The following FARP1 variants were observed in gnomAD, a reference collection of about 807,000 sequenced individuals.
FARP1 encodes FERM, ARH/RhoGEF and pleckstrin domain protein 1, also known as FERM, ARHGEF and pleckstrin domain-containing protein 1.
Under a neutral mutation model 128.8 loss-of-function variants are expected in FARP1, and 52 were observed. The ratio of observed to expected loss-of-function variants is 0.40; its 90% confidence interval spans 0.32 to 0.51. The LOEUF (loss-of-function observed/expected upper bound fraction) is 0.51. FARP1 is among the 20% of genes least tolerant of loss of function. The probability of loss-of-function intolerance (pLI) is 0.45; values close to 1 mark genes in which losing one functional copy is unlikely to be tolerated. For synonymous variants in FARP1, 580 were observed against 551.8 expected (o/e 1.05, Z -0.72); for missense variants, 1,333 against 1,367.9 (o/e 0.97, Z 0.40).
At chr13:98,211,284 C>T (rs952801895) in intron 1 of FARP1, among the ~76,000 whole-genome samples, 18 of 152,212 alleles carry the variant, frequency 1.2e-4, no homozygotes, top group Non-Finnish European at 1.8e-4. Context: ...ACCTGAGCTC[C>T]GCCTCCTGTC....
chr13:98,196,811 T>C (rs1322958702), intron 1 of FARP1, among the ~76,000 whole-genome samples: 4 of 152,348 alleles, frequency 2.6e-5, no homozygotes, highest in Admixed American at 2.0e-4. Flanking sequence ...TTAAATGCCT[T>C]ATCAACCAGG....
intron 2 of FARP1, among the ~76,000 whole-genome samples, chr13:98,266,276 C>T (rs1261175058): frequency 9.2e-5 from 14 of 152,148 alleles, no homozygotes; most frequent in African/African-American, 3.4e-4. Context: ...TCTGAAAAGC[C>T]GCGAGACAGA....
intron 2 of FARP1, among the ~76,000 whole-genome samples, chr13:98,305,843 C>A (rs1886128243): frequency 6.8e-6 from 1 of 147,426 alleles, no homozygotes; most frequent in Non-Finnish European, 1.5e-5. Flanking sequence ...AATTTTACTT[C>A]TTGTATTATT....
At position 98,343,893 on chromosome 13, in the gene FARP1, A is replaced by G. The variant is rs1233407236; in HGVS notation, c.276+27A>G. On this transcript the variant is annotated intron_variant, in intron 3 of 26. Transcript: ENST00000319562. Reference sequence around the variant, plus strand: ...TAGGTGATGTCAACTTAATGTTACTATTTTACTGTCTGTTCATCTTGGTGG... The same window carrying G: ...TAGGTGATGTCAACTTAATGTTACTGTTTTACTGTCTGTTCATCTTGGTGG... 6 of 1,436,434 alleles carry G rather than the reference A, an allele frequency of 4.2e-6. No individual in the cohort carries two copies. The African/African-American group carries it at 7.2e-5, about 17-fold the overall frequency. 89.0% of individuals were successfully genotyped at this position (1,436,434 alleles called of 1,614,324 possible).
Position 98,409,491 on chromosome 13 carries a change from C to G in FARP1, c.1568C>G (p.Pro523Arg). The G allele has an allele frequency of 1.9e-6, 3 of 1,613,330 alleles. No homozygotes were observed. Among genetic ancestry groups the G allele is most frequent in the Non-Finnish European group, 2.5e-6 (3 of 1,179,652 alleles). The stretch of plus-strand genomic sequence containing the variant: ...CCGCTGCTGAATGACCAGGCCTGCC[C>G]CCGGACGGACGATGAGGATGAGGGC... Reference protein sequence around the residue: ...ISPLLNDQACPRTDDEDEGRR... With the variant: ...ISPLLNDQACRRTDDEDEGRR... The change falls in exon 14 of 27, where the codon CCC becomes CGC. Residue 523 changes from proline to arginine, a missense_variant. Physicochemically the swap from Pro to Arg is moderately radical, Grantham distance 103. This residue lies in a region of FARP1 where 1,009 missense variants were observed against 969.8 expected (regional missense o/e 1.04). Transcript: ENST00000319562.
chr13:98,391,864 G>A (rs1040888520), intron 11 of FARP1, among the ~76,000 whole-genome samples: 10 of 152,166 alleles, frequency 6.6e-5, no homozygotes, highest in African/African-American at 1.7e-4. Flanking sequence ...GTAAAGGAGC[G>A]GAGGATAGGC....
In FARP1 at chr13:98,372,189, C is replaced by T. The variant is rs146352343; in HGVS notation, c.398+3994C>T. On this transcript the variant is annotated intron_variant, in intron 5 of 26. Coordinates refer to ENST00000319562, the MANE Select transcript of FARP1 (RefSeq NM_005766.4). ...GCAACCTCCGCCTCGTAGGTTCAAG[C>T]GATTCTTCTGCATCAGCCTCCCAAG... Among the ~76,000 whole-genome samples the T allele has an allele frequency of 2.1e-4, 31 of 147,362 alleles. 1 individual carries two copies. In the East Asian group the frequency reaches 5.2e-3, roughly 25 times the overall value.
intron 2 of FARP1, among the ~76,000 whole-genome samples, chr13:98,294,845 C>T (rs1195103499): frequency 2.6e-5 from 4 of 151,818 alleles, no homozygotes; most frequent in Admixed American, 6.6e-5. Context: ...GATGAAACCC[C>T]GTCTCTACTA....
In FARP1 at chr13:98,167,103, C is replaced by T. The variant is rs144029611; in HGVS notation, c.-24+23611C>T. Among the ~76,000 whole-genome samples the T allele has an allele frequency of 3.0e-4, 45 of 152,218 alleles. No homozygotes were observed. In the East Asian group the frequency reaches 8.3e-3, roughly 28 times the overall value. On this transcript the variant is annotated intron_variant, in intron 1 of 26. Coordinates refer to ENST00000319562, the MANE Select transcript of FARP1 (RefSeq NM_005766.4). The stretch of plus-strand genomic sequence containing the variant: ...AATACATTTTCAAACGTTGACAACT[C>T]GACAAGCCATTGGTATTTTCTTGAC...
At chr13:98,338,900 G>T (rs544652673) in intron 2 of FARP1, 1 of 152,304 alleles carries the variant, frequency 6.6e-6, no homozygotes, top group East Asian at 1.9e-4. Flanking sequence ...TTTTCTTAAT[G>T]AAATACAAGC....
At chr13:98,313,972 C>T (rs1429956184) in intron 2 of FARP1, among the ~76,000 whole-genome samples, 3 of 152,182 alleles carry the variant, frequency 2.0e-5, no homozygotes, top group Non-Finnish European at 4.4e-5. Flanking sequence ...CCCATCCTCA[C>T]GGCTCACTCA....
Position 98,176,419 on chromosome 13 carries a change from T to C in FARP1, c.-24+32927T>C. On this transcript the variant is annotated intron_variant, in intron 1 of 26. Transcript: ENST00000319562. The surrounding 1 kb of genome is among the most constrained non-coding windows in gnomAD (Gnocchi z 6.2). ...CAGCGCGCAGCTCTCGCAGAAATAA[T>C]GCCTGCACTTGGTGACGACTGGGTT... The C allele has an allele frequency of 6.2e-7, 1 of 1,614,214 alleles. No individual in the cohort carries two copies. The highest frequency in any genetic ancestry group is 1.7e-5 in the Admixed American group (1 of 60,028).
At chr13:98,267,712 C>T (rs542608584) in intron 2 of FARP1, among the ~76,000 whole-genome samples, 12 of 152,348 alleles carry the variant, frequency 7.9e-5, no homozygotes, top group Admixed American at 1.3e-4. Context: ...ACCCTGCAGG[C>T]GCAGCCGCGG....
At chr13:98,438,250 T>C (rs966633450) in intron 19 of FARP1, among the ~76,000 whole-genome samples, 1 of 152,118 alleles carries the variant, frequency 6.6e-6, no homozygotes, top group African/African-American at 2.4e-5. Context: ...TTACTGCTCA[T>C]TGAGAAGCAG....
chr13:98,279,890 G>A (rs759956771), intron 2 of FARP1, among the ~76,000 whole-genome samples: 2 of 151,946 alleles, frequency 1.3e-5, no homozygotes, highest in African/African-American at 2.4e-5. Flanking sequence ...ACCAGGCGAC[G>A]CCCCCCCTCT....
chr13:98,192,195 T>C (rs1258105517), intron 1 of FARP1, among the ~76,000 whole-genome samples: 2 of 152,338 alleles, frequency 1.3e-5, no homozygotes, highest in South Asian at 2.1e-4. Context: ...GCAGATATGC[T>C]ACAGTTTGGT....
chr13:98,157,872 G>A (rs777460341), intron 1 of FARP1, among the ~76,000 whole-genome samples: 5 of 152,306 alleles, frequency 3.3e-5, no homozygotes, highest in South Asian at 4.1e-4. Context: ...GGTAAACATC[G>A]TCACAAATTA....
At chr13:98,439,545 C>T (rs1192904465) in intron 21 of FARP1, among the ~76,000 whole-genome samples, 1 of 152,158 alleles carries the variant, frequency 6.6e-6, no homozygotes, top group Non-Finnish European at 1.5e-5. Flanking sequence ...CCCAGGGGCC[C>T]CGACAGTCCT....
At chr13:98,213,549 C>T in intron 2 of FARP1, 136 bp downstream of exon 2, 2 of 844,800 alleles carry the variant, frequency 2.4e-6, no homozygotes, top group South Asian at 1.8e-5. Context: ...CCTCCCCGCC[C>T]CCCAATGGCC....
Sources: gnomAD v4.1 joint callset for allele counts (sites outside exome capture counted in the v4.1 genomes callset) on GRCh38, gnomAD v4.1.1 for gene constraint, gnomAD v4.1.1 regional missense constraint, Gnocchi (gnomAD v3.1) non-coding constraint, MANE v1.5 for transcripts, NCBI Gene and HGNC (gene_info 2026-07-23, HGNC 2026-07-21) for gene names.